The following MAF variants were observed in gnomAD, a reference collection of about 807,000 sequenced individuals.
The protein encoded by MAF is MAF bZIP transcription factor, also known as transcription factor Maf.
MAF carries 10 observed loss-of-function variants against 22.0 expected under a neutral mutation model. The observed-to-expected ratio is 0.45, with a 90% confidence interval of 0.28 to 0.77. The LOEUF (loss-of-function observed/expected upper bound fraction) is 0.77, where lower values mean the gene tolerates loss of function less well. MAF is among the 30% of genes least tolerant of loss of function. MAF has a pLI of 0.12. For missense variants in MAF, 544 were observed against 548.4 expected (o/e 0.99, Z 0.08); for synonymous variants, 337 against 255.8 (o/e 1.32, Z -3.03).
chr16:79,259,350 T>A, the MAF span, among the ~76,000 whole-genome samples: 52 of 152,234 alleles, frequency 3.4e-4, no homozygotes, highest in African/African-American at 1.1e-3. Context: ...CTCTGCAGGA[T>A]GGGTCAGTGT....
chr16:79,401,183 C>T, the MAF span, among the ~76,000 whole-genome samples: 2 of 152,316 alleles, frequency 1.3e-5, 1 homozygote, highest in Non-Finnish European at 2.9e-5. Flanking sequence ...TGCTCCACTG[C>T]CTATTCTCCC....
At chr16:79,444,439 A>C in the MAF span, among the ~76,000 whole-genome samples, 1 of 152,202 alleles carries the variant, frequency 6.6e-6, no homozygotes, top group Non-Finnish European at 1.5e-5. Flanking sequence ...CTTTCTGCTT[A>C]TGAATTATAT....
At chr16:79,255,494 A>G in the MAF span, among the ~76,000 whole-genome samples, 1 of 152,218 alleles carries the variant, frequency 6.6e-6, no homozygotes, top group African/African-American at 2.4e-5. Context: ...ACTGATCTCC[A>G]TGCTTTTATA....
chr16:79,595,125 A>G (rs963731905), intron 1 of MAF: 9 of 172,590 alleles, frequency 5.2e-5, no homozygotes, highest in South Asian at 2.6e-4. Flanking sequence ...TGTGATGAGG[A>G]AAAAAAAAAA....
At chr16:79,447,997 GC>G in the MAF span, among the ~76,000 whole-genome samples, 64 of 152,044 alleles carry the variant, frequency 4.2e-4, no homozygotes, top group African/African-American at 1.4e-3. Flanking sequence ...AGATGTTGCT[GC>G]TTATGGAAGA....
the MAF span, among the ~76,000 whole-genome samples, chr16:79,413,800 C>T: frequency 6.6e-6 from 1 of 152,186 alleles, no homozygotes; most frequent in Non-Finnish European, 1.5e-5. Context: ...AACCCCTACT[C>T]TGCCAGGGGA....
the MAF span, among the ~76,000 whole-genome samples, chr16:79,568,244 G>A: frequency 6.6e-6 from 1 of 152,286 alleles, no homozygotes; most frequent in African/African-American, 2.4e-5. Flanking sequence ...AGGAAGTCTG[G>A]CAGGGATGGG....
the MAF span, among the ~76,000 whole-genome samples, chr16:79,258,294 T>G: frequency 6.6e-6 from 1 of 152,190 alleles, no homozygotes; most frequent in East Asian, 1.9e-4. Context: ...GCATGCAGGG[T>G]CCGGGAGCCA....
At chr16:79,525,359 C>G in the MAF span, among the ~76,000 whole-genome samples, 1 of 152,160 alleles carries the variant, frequency 6.6e-6, no homozygotes, top group African/African-American at 2.4e-5. Context: ...GAAATTAAAG[C>G]ACGGCTCTGT....
the MAF span, among the ~76,000 whole-genome samples, chr16:79,566,915 TG>T: frequency 2.6e-5 from 4 of 152,214 alleles, no homozygotes; most frequent in Non-Finnish European, 4.4e-5. Context: ...AAAATGGACT[TG>T]GATAGAATCT....
chr16:79,424,332 T>C, the MAF span, among the ~76,000 whole-genome samples: 3 of 152,184 alleles, frequency 2.0e-5, no homozygotes, highest in Non-Finnish European at 1.5e-5. Flanking sequence ...GGAATTCGAA[T>C]TCAATACCAC....
chr16:79,242,345 A>G, the MAF span, among the ~76,000 whole-genome samples: 5 of 150,868 alleles, frequency 3.3e-5, no homozygotes, highest in African/African-American at 9.7e-5. Context: ...ATGGAGGAAC[A>G]TTTACCAAGC....
chr16:79,564,186 C>T, the MAF span, among the ~76,000 whole-genome samples: 2 of 152,328 alleles, frequency 1.3e-5, no homozygotes, highest in African/African-American at 4.8e-5. Context: ...GGCAGGGCAG[C>T]GTTCCTCCTC....
the MAF span, among the ~76,000 whole-genome samples, chr16:79,518,036 A>C: frequency 6.6e-6 from 1 of 152,224 alleles, no homozygotes; most frequent in Admixed American, 6.5e-5. Flanking sequence ...CATATATATG[A>C]AAATGGATTA....
chr16:79,437,574 TC>T, the MAF span, among the ~76,000 whole-genome samples: 1 of 151,828 alleles, frequency 6.6e-6, no homozygotes, highest in Non-Finnish European at 1.5e-5. Context: ...ACCCATGTAG[TC>T]CCCCAAGGAG....
At chr16:79,543,328 G>C in the MAF span, among the ~76,000 whole-genome samples, 1 of 152,218 alleles carries the variant, frequency 6.6e-6, no homozygotes, top group South Asian at 2.1e-4. Context: ...ATCCCGGTCA[G>C]ACACCATGAC....
chr16:79,355,493 A>G, the MAF span, among the ~76,000 whole-genome samples: 5 of 152,196 alleles, frequency 3.3e-5, no homozygotes, highest in African/African-American at 4.8e-5. Context: ...CAGAGAAGTG[A>G]GAGAAGGAGC....
the MAF span, among the ~76,000 whole-genome samples, chr16:79,385,275 T>G: frequency 6.6e-6 from 1 of 152,200 alleles, no homozygotes; most frequent in African/African-American, 2.4e-5. Flanking sequence ...ATGAATCAAT[T>G]TAACTTATAA....
downstream of MAF, among the ~76,000 whole-genome samples, chr16:79,590,988 A>C (rs1913159618): frequency 1.3e-5 from 2 of 152,270 alleles, no homozygotes; most frequent in East Asian, 3.9e-4. Flanking sequence ...TAGGTTGCAA[A>C]AAGGGACTCT....
Sources: gnomAD v4.1 joint callset for allele counts (sites outside exome capture counted in the v4.1 genomes callset) on GRCh38, gnomAD v4.1.1 for gene constraint, MANE v1.5 for transcripts, NCBI Gene and HGNC (gene_info 2026-07-23, HGNC 2026-07-21) for gene names.